Variants in DMD observed in about 807,000 individuals in gnomAD.
DMD encodes the protein mutant dystrophin.
Under a neutral mutation model 330.1 loss-of-function variants are expected in DMD, and 63 were observed. That is an observed-to-expected ratio of 0.19 (90% CI 0.16 to 0.24). DMD has a LOEUF of 0.24. DMD is among the 10% of genes least tolerant of loss of function. DMD has a pLI of 1.00. For missense variants in DMD, 3,344 were observed against 2,684.1 expected, an observed-to-expected ratio of 1.25 and a Z score of -5.43; for synonymous variants, 1,223 against 959.8, an observed-to-expected ratio of 1.27 and a Z score of -5.07.
chrX:32,685,242 G>A (rs1312961955), intron 9 of DMD, among the ~76,000 whole-genome samples: 1 of 111,165 alleles, frequency 9.0e-6, no homozygotes, highest in Non-Finnish European at 1.9e-5. Flanking sequence ...TAAAGTAGAA[G>A]TAGAAGAATC....
In DMD at chrX:31,511,364, G is replaced by A. The variant is rs776459521; in HGVS notation, c.8218-3911C>T. On this transcript the variant is annotated intron_variant, in intron 55 of 78. Transcript: ENST00000357033. ...ATTATTATTATACTTTAAATTTTAG[G>A]GTACATGTGCACAACGTGCAGGTTA... 1.7e-3 allele frequency among the ~76,000 whole-genome samples: 168 copies of A among 100,078 alleles called. 1 individual carries two copies. The highest frequency in any genetic ancestry group is 5.5e-3 in the Middle Eastern group (1 of 181). The allele number at this position is 100,078 out of a possible 115,157, so 86.9% of individuals were successfully genotyped here.
chrX:33,067,129 A>G (rs1022539719), intron 1 of DMD, among the ~76,000 whole-genome samples: 9 of 112,005 alleles, frequency 8.0e-5, no homozygotes, highest in African/African-American at 2.6e-4. Context: ...GTCTGCAGGG[A>G]GTTTTTCAGA....
intron 57 of DMD, among the ~76,000 whole-genome samples, chrX:31,492,961 A>G (rs910849283): frequency 9.0e-6 from 1 of 111,323 alleles, no homozygotes; most frequent in African/African-American, 3.3e-5. Flanking sequence ...CCACCATGGC[A>G]CATGTATACC....
At chrX:32,535,608 C>G (rs1346897789) in intron 17 of DMD, among the ~76,000 whole-genome samples, 2 of 111,603 alleles carry the variant, frequency 1.8e-5, no homozygotes, top group Non-Finnish European at 3.8e-5. Context: ...ATTGTTTCTC[C>G]AGCTCTAGGG....
At chrX:32,545,043 A>G in intron 17 of DMD, 116 bp downstream of exon 17, 1 of 718,366 alleles carries the variant, frequency 1.4e-6, no homozygotes, top group Non-Finnish European at 2.1e-6. Flanking sequence ...ATTAACTGAC[A>G]TTACAGGTAC....
chrX:32,507,886 G>T (rs992263510), intron 18 of DMD, among the ~76,000 whole-genome samples: 1 of 110,774 alleles, frequency 9.0e-6, no homozygotes, highest in Non-Finnish European at 1.9e-5. Context: ...ATCATATTAG[G>T]AAGTTTTAGA....
intron 60 of DMD, among the ~76,000 whole-genome samples, chrX:31,369,554 T>C (rs1234447735): frequency 9.0e-6 from 1 of 111,639 alleles, no homozygotes; most frequent in Non-Finnish European, 1.9e-5. Context: ...GGGTGAAGCG[T>C]AGCGTTCATA....
intron 44 of DMD, among the ~76,000 whole-genome samples, chrX:32,102,418 G>A (rs898228940): frequency 9.0e-6 from 1 of 110,966 alleles, no homozygotes; most frequent in Non-Finnish European, 1.9e-5. Context: ...TCAAAGATCA[G>A]GTGGATGAAG....
intron 63 of DMD, among the ~76,000 whole-genome samples, chrX:31,229,842 G>T (rs1282263522): frequency 8.9e-6 from 1 of 112,007 alleles, no homozygotes; most frequent in Non-Finnish European, 1.9e-5. Context: ...TCCTCCAAAG[G>T]ATTCTAATGG....
intron 50 of DMD, among the ~76,000 whole-genome samples, chrX:31,799,552 G>A (rs1456545162): frequency 9.0e-6 from 1 of 111,381 alleles, no homozygotes; most frequent in Non-Finnish European, 1.9e-5. Flanking sequence ...TACAATTCAA[G>A]GTGAGATTTG....
At chrX:31,130,885 T>C (rs968502708) in intron 77 of DMD, among the ~76,000 whole-genome samples, 6 of 112,231 alleles carry the variant, frequency 5.3e-5, no homozygotes, top group Admixed American at 2.8e-4. Context: ...TACTTTATGT[T>C]TATGAAGAGC....
intron 44 of DMD, among the ~76,000 whole-genome samples, chrX:32,161,326 T>C (rs879147413): frequency 9.0e-6 from 1 of 111,648 alleles, no homozygotes; most frequent in Non-Finnish European, 1.9e-5. Context: ...ATGGTTTTCT[T>C]ATAGCCTCAT....
At chrX:32,131,505 C>A (rs1203210254) in intron 44 of DMD, among the ~76,000 whole-genome samples, 1 of 111,738 alleles carries the variant, frequency 8.9e-6, no homozygotes, top group Non-Finnish European at 1.9e-5. Context: ...CCTGTCTAGC[C>A]AAATAAAATG....
At position 32,734,871 on chromosome X, in the gene DMD, C is replaced by A. The variant is rs1277006766; in HGVS notation, c.650-35578G>T. On this transcript the variant is annotated intron_variant, in intron 7 of 78. Transcript: ENST00000357033. ...AACTGGCACAAGACAGGGATGCCCT[C>A]TCTCACCACTCCTATTCAACATAGT... Among the ~76,000 whole-genome samples the A allele has an allele frequency of 2.9e-5, 3 of 102,911 alleles. No individual in the cohort carries two copies. The Admixed American group carries it at 3.1e-4, about 11-fold the overall frequency. 89.4% of individuals were successfully genotyped at this position (102,911 alleles called of 115,157 possible). A position where few individuals can be genotyped will look rare whatever the true frequency, so the allele number is the denominator to read the frequency against.
chrX:31,568,034 G>C (rs962244768), intron 55 of DMD, among the ~76,000 whole-genome samples: 7 of 111,162 alleles, frequency 6.3e-5, no homozygotes, highest in Non-Finnish European at 9.5e-5. Flanking sequence ...TCCTTGACCT[G>C]GGGAAAATGA....
intron 55 of DMD, among the ~76,000 whole-genome samples, chrX:31,591,452 G>A (rs1270485982): frequency 9.0e-6 from 1 of 111,485 alleles, no homozygotes; most frequent in Non-Finnish European, 1.9e-5. Context: ...CATTGTTCTG[G>A]TTTAGTTTAA....
chrX:32,451,918 C>T (rs1036978146), intron 26 of DMD, among the ~76,000 whole-genome samples: 2 of 110,576 alleles, frequency 1.8e-5, no homozygotes, highest in Non-Finnish European at 3.8e-5. Flanking sequence ...CCATACTAAA[C>T]CAATTTTGTA....
chrX:32,777,101 G>T (rs771625052), intron 7 of DMD, among the ~76,000 whole-genome samples: 2 of 107,045 alleles, frequency 1.9e-5, no homozygotes, highest in Admixed American at 2.0e-4. Context: ...TATGCAACAC[G>T]CTCCACAATT....
chrX:32,592,156 A>G lies in DMD; in HGVS notation c.1602+3601T>C, dbSNP rs779828660. 1.6e-4 allele frequency among the ~76,000 whole-genome samples: 18 copies of G among 111,322 alleles called. No homozygotes were observed. The South Asian group carries it at 7.1e-3, about 44-fold the overall frequency. The stretch of plus-strand genomic sequence containing the variant: ...AGGAGGCAGACTGGCTCCTGGGCAG[A>G]AAGGAGCAGATCCACAGAGAAACCC... On this transcript the variant is annotated intron_variant, in intron 13 of 78. Coordinates refer to ENST00000357033, the MANE Select transcript of DMD (RefSeq NM_004006.3).
Sources: allele counts gnomAD v4.1 joint callset (sites outside exome capture counted in the v4.1 genomes callset), GRCh38; gene constraint gnomAD v4.1.1; transcripts MANE v1.5; gene names NCBI Gene and HGNC (gene_info 2026-07-23, HGNC 2026-07-21).